The following MED4 variants were observed in gnomAD, a reference collection of about 807,000 sequenced individuals.
MED4 encodes mediator complex subunit 4, also known as mediator of RNA polymerase II transcription subunit 4.
Under a neutral mutation model 35.0 loss-of-function variants are expected in MED4, and 21 were observed. That is an observed-to-expected ratio of 0.60 (90% CI 0.43 to 0.86). The LOEUF (loss-of-function observed/expected upper bound fraction) is 0.86. Ranked by LOEUF, MED4 falls within the 40% of genes least tolerant of loss-of-function variation. The pLI is 0.00. For synonymous variants in MED4, 138 were observed against 114.0 expected (o/e 1.21, Z -1.34); for missense variants, 300 against 319.4 (o/e 0.94, Z 0.46).
intron 1 of MED4, among the ~76,000 whole-genome samples, chr13:48,092,045 T>TG (rs961138031): frequency 6.6e-6 from 1 of 152,212 alleles, no homozygotes; most frequent in African/African-American, 2.4e-5. Flanking sequence ...AGCAGCCAGG[T>TG]GGCTAGGGGT....
chr13:48,090,630 G>C (rs11842654), intron 1 of MED4, among the ~76,000 whole-genome samples: 5,365 of 152,254 alleles, frequency 0.035, 212 homozygotes, highest in East Asian at 0.097. Context: ...TGTGAATAGA[G>C]AGAGTTCTTT....
chr13:48,082,644 A>G (rs950252298), intron 4 of MED4, among the ~76,000 whole-genome samples: 48 of 152,082 alleles, frequency 3.2e-4, no homozygotes, highest in African/African-American at 1.1e-3. Flanking sequence ...TGGCTAACAC[A>G]GTGAAACCCC....
intron 2 of MED4, among the ~76,000 whole-genome samples, chr13:48,087,446 T>C (rs1237168938): frequency 1.3e-5 from 2 of 152,160 alleles, no homozygotes; most frequent in Admixed American, 6.5e-5. Flanking sequence ...ACCAAGAACT[T>C]AAGAAAACTT....
chr13:48,086,124 G>T (rs1950846918), intron 3 of MED4, among the ~76,000 whole-genome samples, 158 bp downstream of exon 3: 1 of 152,176 alleles, frequency 6.6e-6, no homozygotes, highest in Non-Finnish European at 1.5e-5. Flanking sequence ...AATGACAATA[G>T]CCTTTCATTT....
chr13:48,088,621 A>G (rs1214523964), intron 2 of MED4, among the ~76,000 whole-genome samples: 1 of 152,194 alleles, frequency 6.6e-6, no homozygotes, highest in Non-Finnish European at 1.5e-5. Flanking sequence ...TTTGTATACT[A>G]CCCATGAGTA....
intron 1 of MED4, among the ~76,000 whole-genome samples, chr13:48,092,056 G>A (rs1950893586): frequency 6.6e-6 from 1 of 152,144 alleles, no homozygotes; most frequent in Non-Finnish European, 1.5e-5. Context: ...GGCTAGGGGT[G>A]AGATTACGTA....
chr13:48,086,481 C>T, intron 2 of MED4, 29 bp from the exon 3 acceptor site: 2 of 1,595,272 alleles, frequency 1.3e-6, no homozygotes, highest in South Asian at 1.1e-5. Flanking sequence ...TTAAATCAGA[C>T]AATAGACTAC....
intron 6 of MED4, among the ~76,000 whole-genome samples, chr13:48,078,750 ACTT>A (rs1272813263): frequency 6.6e-6 from 1 of 152,142 alleles, no homozygotes; most frequent in Non-Finnish European, 1.5e-5. Flanking sequence ...TTTTTCCTGT[ACTT>A]TTAAAACATG....
At chr13:48,081,428 G>A (rs553595933) in intron 5 of MED4, among the ~76,000 whole-genome samples, 2 of 152,152 alleles carry the variant, frequency 1.3e-5, no homozygotes, top group South Asian at 4.2e-4. Context: ...TTCAAAAGAC[G>A]AAAGAAACAC....
intron 5 of MED4, among the ~76,000 whole-genome samples, chr13:48,081,051 C>T (rs546750411): frequency 6.6e-6 from 1 of 152,362 alleles, no homozygotes; most frequent in South Asian, 2.1e-4. Flanking sequence ...TAACACAGCA[C>T]CTTCAGAAGT....
chr13:48,083,475 T>C, intron 3 of MED4, 47 bp from the exon 4 acceptor site: 1 of 1,529,388 alleles, frequency 6.5e-7, no homozygotes, highest in Non-Finnish European at 9.0e-7. Flanking sequence ...TTCAACTATA[T>C]CAAACTTAGT....
chr13:48,094,745 T>A (rs1487252133), intron 1 of MED4, among the ~76,000 whole-genome samples: 2 of 150,986 alleles, frequency 1.3e-5, no homozygotes, highest in Non-Finnish European at 3.0e-5. Context: ...CGAGTTCTTA[T>A]CATTACTAAA....
In MED4 at chr13:48,081,688, G is replaced by C. The variant is rs184726593; in HGVS notation, c.465C>G (p.Ile155Met). The C allele has an allele frequency of 6.2e-7, 1 of 1,612,202 alleles. No homozygotes were observed. Among genetic ancestry groups the C allele is most frequent in the Admixed American group, 1.7e-5 (1 of 59,784 alleles). The change falls in exon 5 of 7, where the codon ATC becomes ATG. Residue 155 changes from isoleucine to methionine, a missense_variant. Physicochemically the swap from Ile to Met is conservative, Grantham distance 10. Coordinates refer to ENST00000258648, the MANE Select transcript of MED4 (RefSeq NM_014166.4). ...GAGCACATACAGCATTACTTGCACT[G>C]ATCCTATGTGCATACTTAATTATTT... ...SEEIIKYAHR[I>M]SASNAVCAPL...
chr13:48,093,088 T>G (rs1192499397), intron 1 of MED4, among the ~76,000 whole-genome samples: 1 of 152,222 alleles, frequency 6.6e-6, no homozygotes, highest in Non-Finnish European at 1.5e-5. Flanking sequence ...CCCAGCATAC[T>G]GCATTAGAAT....
intron 2 of MED4, 41 bp downstream of exon 2, chr13:48,090,311 A>G: frequency 6.9e-7 from 1 of 1,458,292 alleles, no homozygotes; most frequent in Non-Finnish European, 9.3e-7. Context: ...TTTAATTAAA[A>G]AACAAAGAGA....
chr13:48,080,839 T>C lies in MED4; in HGVS notation c.508+806A>G, dbSNP rs917758636. On this transcript the variant is annotated intron_variant, in intron 5 of 6. Coordinates refer to ENST00000258648, the MANE Select transcript of MED4 (RefSeq NM_014166.4). ...ACCTTTTTCTAACCAACCTCTTTGA[T>C]CTTGTAATTCAGAAACTAATTCGTG... 2.6e-5 allele frequency among the ~76,000 whole-genome samples: 4 copies of C among 152,184 alleles called. No individual in the cohort carries two copies. In the South Asian group the frequency reaches 6.2e-4, roughly 24 times the overall value.
chr13:48,090,936 C>T (rs1291989955), intron 1 of MED4, among the ~76,000 whole-genome samples: 1 of 152,132 alleles, frequency 6.6e-6, no homozygotes, highest in Non-Finnish European at 1.5e-5. Context: ...CATTAATATA[C>T]AAATTGTCTA....
At chr13:48,094,324 T>G (rs1480808166) in intron 1 of MED4, among the ~76,000 whole-genome samples, 2 of 152,126 alleles carry the variant, frequency 1.3e-5, no homozygotes, top group African/African-American at 4.8e-5. Context: ...CTTGAAAGAC[T>G]TATCATGAAA....
intron 6 of MED4, among the ~76,000 whole-genome samples, chr13:48,078,815 A>G (rs1013104496): frequency 6.6e-6 from 1 of 152,196 alleles, no homozygotes; most frequent in African/African-American, 2.4e-5. Context: ...CCCTGGTTGT[A>G]CTTTAGGTAG....
Sources: gnomAD v4.1 joint callset for allele counts (sites outside exome capture counted in the v4.1 genomes callset) on GRCh38, gnomAD v4.1.1 for gene constraint, MANE v1.5 for transcripts, NCBI Gene and HGNC (gene_info 2026-07-23, HGNC 2026-07-21) for gene names.